Variants in LAPTM4B observed in about 807,000 individuals in gnomAD.
LAPTM4B encodes lysosomal-associated transmembrane protein 4B.
LAPTM4B carries 26 observed loss-of-function variants against 28.5 expected under a neutral mutation model. That is an observed-to-expected ratio of 0.91 (90% confidence interval 0.67 to 1.27). LAPTM4B has a LOEUF of 1.27. Among genes scored for constraint, LAPTM4B ranks in the 50% most tolerant of loss-of-function variants. The pLI, the probability that LAPTM4B is intolerant of heterozygous loss-of-function variation, is 0.00. For missense variants in LAPTM4B, 288 were observed against 285.8 expected (o/e 1.01, Z -0.06); for synonymous variants, 109 against 106.4 (o/e 1.02, Z -0.15).
intron 6 of LAPTM4B, among the ~76,000 whole-genome samples, chr8:97,830,796 G>A (rs1817173070): frequency 6.6e-6 from 1 of 152,126 alleles, no homozygotes; most frequent in Non-Finnish European, 1.5e-5. Context: ...AACAAGAACT[G>A]ACCGTCGGGC....
chr8:97,801,179 CTT>C lies in LAPTM4B; in HGVS notation c.100-4159_100-4158del, dbSNP rs11312833. ...CATTGCCCTTGTGTGGTTCTTCATA[CTT>C]TTTTTTTTTTTTTTGAGATGGAGTT... On this transcript the variant is annotated intron_variant, in intron 1 of 6. Transcript: ENST00000521545. Among the ~76,000 whole-genome samples, 1,025 of 132,714 alleles carry C rather than the reference CTT, an allele frequency of 7.7e-3. 7 individuals carry two copies. The highest frequency in any genetic ancestry group is 0.024 in the African/African-American group (837 of 34,476). 87.1% of individuals were successfully genotyped at this position (132,714 alleles called of 152,430 possible).
At chr8:97,817,652 C>A (rs1472541922) in intron 4 of LAPTM4B, among the ~76,000 whole-genome samples, 1 of 151,648 alleles carries the variant, frequency 6.6e-6, no homozygotes, top group Non-Finnish European at 1.5e-5. Context: ...GTTTCACCAT[C>A]TTTTCCAGGC....
At chr8:97,803,518 C>T (rs879294721) in intron 1 of LAPTM4B, among the ~76,000 whole-genome samples, 4 of 152,180 alleles carry the variant, frequency 2.6e-5, no homozygotes, top group Admixed American at 1.3e-4. Context: ...AAGTAATCCA[C>T]CCACCTTGGC....
intron 1 of LAPTM4B, among the ~76,000 whole-genome samples, chr8:97,784,216 G>A: frequency 6.6e-6 from 1 of 152,274 alleles, no homozygotes; most frequent in East Asian, 1.9e-4. Context: ...CTTTCCAACT[G>A]TCAGATTCTG....
intron 6 of LAPTM4B, among the ~76,000 whole-genome samples, chr8:97,836,440 C>T (rs1817260652): frequency 6.6e-6 from 1 of 152,132 alleles, no homozygotes; most frequent in Non-Finnish European, 1.5e-5. Context: ...CTTGGCCTCC[C>T]AAAGTGCTGG....
intron 5 of LAPTM4B, among the ~76,000 whole-genome samples, chr8:97,820,306 T>TC (rs1563614324): frequency 2.1e-5 from 3 of 144,692 alleles, no homozygotes; most frequent in African/African-American, 7.5e-5. Flanking sequence ...CTTTCTTTCT[T>TC]TTTTTTTTTT....
At chr8:97,792,559 A>G (rs12056901) in intron 1 of LAPTM4B, among the ~76,000 whole-genome samples, 9,618 of 151,948 alleles carry the variant, frequency 0.063, 933 homozygotes, top group East Asian at 0.38. Flanking sequence ...CTAGCCTAAC[A>G]GTCAATTTTT....
At chr8:97,794,533 C>T (rs1175584177) in intron 1 of LAPTM4B, among the ~76,000 whole-genome samples, 1 of 152,006 alleles carries the variant, frequency 6.6e-6, no homozygotes, top group Non-Finnish European at 1.5e-5. Flanking sequence ...AATCTAATTT[C>T]CCCCCAGAAT....
chr8:97,792,568 T>A (rs560995083), intron 1 of LAPTM4B, among the ~76,000 whole-genome samples: 25 of 151,536 alleles, frequency 1.6e-4, no homozygotes, highest in Admixed American at 8.5e-4. Flanking sequence ...CAGTCAATTT[T>A]TTTTTTATTT....
At chr8:97,821,540 G>C (rs1817002756) in intron 5 of LAPTM4B, among the ~76,000 whole-genome samples, 1 of 127,536 alleles carries the variant, frequency 7.8e-6, no homozygotes, top group Admixed American at 7.1e-5. Context: ...AGGACGTGTG[G>C]ATGTAGGGGT....
chr8:97,849,046 G>C (rs980040595), intron 6 of LAPTM4B, among the ~76,000 whole-genome samples: 6 of 152,194 alleles, frequency 3.9e-5, no homozygotes, highest in Non-Finnish European at 8.8e-5. Flanking sequence ...GCTGACCTGT[G>C]CCTATCTTTC....
chr8:97,790,976 C>T (rs1297850521), intron 1 of LAPTM4B, among the ~76,000 whole-genome samples: 2 of 152,168 alleles, frequency 1.3e-5, no homozygotes, highest in Non-Finnish European at 2.9e-5. Context: ...GCAATCACGC[C>T]TCATTGCAAC....
intron 5 of LAPTM4B, among the ~76,000 whole-genome samples, chr8:97,821,942 T>C (rs1817010321): frequency 6.6e-6 from 1 of 152,052 alleles, no homozygotes; most frequent in South Asian, 2.1e-4. Context: ...AATAAATAAA[T>C]AAATAATGAA....
chr8:97,822,234 G>T (rs1323841881), intron 5 of LAPTM4B, among the ~76,000 whole-genome samples: 1 of 143,642 alleles, frequency 7.0e-6, no homozygotes, highest in Non-Finnish European at 1.5e-5. Context: ...ATTGTAGTTC[G>T]TCTTTGAAGG....
chr8:97,848,716 A>G (rs1408486624), intron 6 of LAPTM4B, among the ~76,000 whole-genome samples: 1 of 152,362 alleles, frequency 6.6e-6, no homozygotes, highest in Non-Finnish European at 1.5e-5. Flanking sequence ...AGATAAGTAT[A>G]TGAATCAGTT....
chr8:97,846,243 T>C lies in LAPTM4B; in HGVS notation c.604-5154T>C, dbSNP rs545085763. ...ATACTTCATATTTTGGGAAATGTAA[T>C]GCTAGCAACAGTAGAATTCTAAATA... On this transcript the variant is annotated intron_variant, in intron 6 of 6. Coordinates refer to ENST00000521545, the MANE Select transcript of LAPTM4B (RefSeq NM_018407.6). Among the ~76,000 whole-genome samples the C allele has an allele frequency of 2.5e-4, 38 of 152,142 alleles. 1 individual carries two copies. The highest frequency in any genetic ancestry group is 2.2e-3 in the Admixed American group (34 of 15,290).
chr8:97,790,542 C>T (rs1816482253), intron 1 of LAPTM4B, among the ~76,000 whole-genome samples: 2 of 151,910 alleles, frequency 1.3e-5, no homozygotes, highest in Admixed American at 6.6e-5. Context: ...GAACTCCCGA[C>T]CTTGTGATCT....
chr8:97,777,311 T>G (rs1172294137), intron 1 of LAPTM4B, among the ~76,000 whole-genome samples: 2 of 151,894 alleles, frequency 1.3e-5, no homozygotes, highest in East Asian at 3.9e-4. Context: ...TATGCCTAGC[T>G]AATTTTTTGT....
At chr8:97,788,493 C>T in intron 1 of LAPTM4B, 1 of 184,176 alleles carries the variant, frequency 5.4e-6, no homozygotes, top group South Asian at 1.1e-4. Flanking sequence ...AAGTGATCAC[C>T]TGCCTTGGCC....
Sources: gnomAD v4.1 joint callset for allele counts (sites outside exome capture counted in the v4.1 genomes callset) on GRCh38, gnomAD v4.1.1 for gene constraint, MANE v1.5 for transcripts, NCBI Gene and HGNC (gene_info 2026-07-23, HGNC 2026-07-21) for gene names.